The following TECR variants were observed in gnomAD, a reference collection of about 807,000 sequenced individuals.
TECR encodes the protein very-long-chain enoyl-CoA reductase.
Under a neutral mutation model 50.6 loss-of-function variants are expected in TECR, and 19 were observed. That is an observed-to-expected ratio of 0.38 (90% confidence interval 0.26 to 0.55). The LOEUF (loss-of-function observed/expected upper bound fraction) is 0.55, where lower values mean the gene tolerates loss of function less well. Among genes scored for constraint, TECR ranks in the 20% least tolerant of loss-of-function variants. The probability of loss-of-function intolerance (pLI) is 0.79; values close to 1 mark genes in which losing one functional copy is unlikely to be tolerated. For synonymous variants in TECR, 168 were observed against 163.5 expected (o/e 1.03, Z -0.21); for missense variants, 313 against 408.3 (o/e 0.77, Z 2.01).
chr19:14,529,967 C>T lies in TECR; in HGVS notation c.15+256C>T. The stretch of plus-strand genomic sequence containing the variant: ...GGGGGTCTCTGCAGGGGCTGGGACG[C>T]TTGCAGGTTCCTTGCAGCTCCCCCA... On this transcript the variant is annotated intron_variant, in intron 1 of 12. Coordinates refer to ENST00000215567, the MANE Select transcript of TECR (RefSeq NM_138501.6). 4 of 576,008 alleles carry T rather than the reference C, an allele frequency of 6.9e-6. No individual in the cohort carries two copies. The South Asian group carries it at 8.1e-5, about 12-fold the overall frequency. The allele number at this position is 576,008 out of a possible 1,614,324, so 35.7% of individuals were successfully genotyped here.
At chr19:14,529,395 G>T, upstream of TECR, 1 of 563,966 alleles carries the variant, frequency 1.8e-6, no homozygotes, top group Non-Finnish European at 3.2e-6. Context: ...GGATGGTCAA[G>T]CCCCTTCTCT....
chr19:14,537,497 C>G (rs11670622), intron 1 of TECR, among the ~76,000 whole-genome samples: 31,417 of 151,928 alleles, frequency 0.21, 3,564 homozygotes, highest in South Asian at 0.41. Flanking sequence ...TTGGAAAGGC[C>G]TTGCGACTCT....
chr19:14,532,980 C>T (rs2057308162), intron 1 of TECR, among the ~76,000 whole-genome samples: 1 of 151,692 alleles, frequency 6.6e-6, no homozygotes, highest in Non-Finnish European at 1.5e-5. Flanking sequence ...TATGGTGGCA[C>T]GTGCTTGTAG....
chr19:14,552,611 T>C (rs1206805612), intron 1 of TECR, among the ~76,000 whole-genome samples: 2 of 152,058 alleles, frequency 1.3e-5, no homozygotes, highest in East Asian at 1.9e-4. Context: ...TCTGGCTCAC[T>C]GCAAGCTCCG....
At position 14,563,089 on chromosome 19, in the gene TECR, C is replaced by G; in HGVS notation, c.67-117C>G. ...GCAGGCAGAGGCCTGGACCCCAGCCCTTCCCCCTTCCCATAGCTACAGCCC... is the reference window on the plus strand; with the variant it reads ...GCAGGCAGAGGCCTGGACCCCAGCCGTTCCCCCTTCCCATAGCTACAGCCC... On this transcript the variant is annotated intron_variant, in intron 2 of 12. Coordinates refer to ENST00000215567, the MANE Select transcript of TECR (RefSeq NM_138501.6). This position sits in a 1 kb window ranked among gnomAD's most constrained non-coding sequence, Gnocchi z 5.3. 4.6e-5 allele frequency: 58 copies of G among 1,263,408 alleles called. No homozygotes were observed. The highest frequency in any genetic ancestry group is 1.9e-4 in the Middle Eastern group (1 of 5,390). The allele number at this position is 1,263,408 out of a possible 1,614,324, so 78.3% of individuals were successfully genotyped here.
chr19:14,553,698 TGTGATGGGGGCGAG>T (rs541482846), intron 1 of TECR, among the ~76,000 whole-genome samples: 89 of 152,114 alleles, frequency 5.9e-4, no homozygotes, highest in African/African-American at 1.6e-3. Context: ...TCTCTGCATT[TGTGATGGGGGCGAG>T]GTGATGGGGG....
intron 1 of TECR, among the ~76,000 whole-genome samples, chr19:14,539,140 ATTTTTTTT>A (rs57801378): frequency 6.5e-5 from 6 of 92,544 alleles, no homozygotes; most frequent in East Asian, 5.9e-4. Flanking sequence ...CGCCCGGCTA[ATTTTTTTT>A]TTTTTTTTTT....
chr19:14,550,081 T>C (rs1254062497), intron 1 of TECR, among the ~76,000 whole-genome samples: 1 of 152,100 alleles, frequency 6.6e-6, no homozygotes, highest in East Asian at 1.9e-4. Flanking sequence ...TCATTGTCAC[T>C]CTTTCTTTGC....
chr19:14,529,856 C>G, intron 1 of TECR, 145 bp downstream of exon 1: 2 of 1,110,340 alleles, frequency 1.8e-6, no homozygotes, highest in Non-Finnish European at 2.7e-6. Flanking sequence ...CGTTGCGCCC[C>G]GGGCCACTCG....
At chr19:14,552,276 C>G (rs553112719) in intron 1 of TECR, among the ~76,000 whole-genome samples, 2 of 150,312 alleles carry the variant, frequency 1.3e-5, no homozygotes, top group Admixed American at 1.3e-4. Context: ...TCAAGCAATC[C>G]TCCCAGTCTG....
upstream of TECR, among the ~76,000 whole-genome samples, chr19:14,528,029 G>A (rs2146537504): frequency 6.7e-6 from 1 of 149,312 alleles, no homozygotes; most frequent in South Asian, 2.1e-4. Flanking sequence ...GATTACAGGT[G>A]CCCACCATTA....
chr19:14,556,784 C>A (rs2073741366), intron 1 of TECR, among the ~76,000 whole-genome samples: 1 of 152,190 alleles, frequency 6.6e-6, no homozygotes, highest in African/African-American at 2.4e-5. Context: ...CCGGCTGCTG[C>A]GGGTGCCCTT....
rs1393427949 is a variant in TECR at position 14,564,706 on chromosome 19, G to A, written c.490-80G>A. 7.4e-6 allele frequency: 11 copies of A among 1,483,270 alleles called. 1 individual carries two copies. The Admixed American group carries it at 1.5e-4, about 20-fold the overall frequency. The allele number at this position is 1,483,270 out of a possible 1,614,324, so 91.9% of individuals were successfully genotyped here. A position where few individuals can be genotyped will look rare whatever the true frequency, so the allele number is the denominator to read the frequency against. Reference sequence around the variant, plus strand: ...CTGTCCTTTCCCACCATGCTCCCAGGCCCCTCGGGATGAGACATGGGCAGC... The same window carrying A: ...CTGTCCTTTCCCACCATGCTCCCAGACCCCTCGGGATGAGACATGGGCAGC... On this transcript the variant is annotated intron_variant, in intron 7 of 12. Coordinates refer to ENST00000215567, the MANE Select transcript of TECR (RefSeq NM_138501.6).
chr19:14,529,880 G>A, intron 1 of TECR, 169 bp downstream of exon 1: 2 of 897,938 alleles, frequency 2.2e-6, no homozygotes, highest in Non-Finnish European at 3.5e-6. Flanking sequence ...ATTCCAATGC[G>A]CATGTGCGCA....
chr19:14,555,438 CTTTTTTTTTTTT>C (rs747503834), intron 1 of TECR, among the ~76,000 whole-genome samples: 4 of 92,882 alleles, frequency 4.3e-5, no homozygotes, highest in East Asian at 3.2e-4. Flanking sequence ...TTTATTTATT[CTTTTTTTTTTTT>C]TTTTTTTTTT....
At chr19:14,529,557 CGCGCGGCCTGGAGGGGCGG>C, upstream of TECR, 1 of 1,326,814 alleles carries the variant, frequency 7.5e-7, no homozygotes, top group African/African-American at 1.4e-5. Flanking sequence ...CGACGGGGCG[CGCGCGGCCTGGAGGGGCGG>C]GGCGGACGCA....
upstream of TECR, chr19:14,529,433 C>T (rs931520767): frequency 8.1e-6 from 5 of 619,026 alleles, no homozygotes; most frequent in Middle Eastern, 4.2e-4. Context: ...CGTTCCGCCC[C>T]CTTCGATTGG....
intron 1 of TECR, chr19:14,545,030 G>T: frequency 2.2e-6 from 1 of 453,684 alleles, no homozygotes; most frequent in Non-Finnish European, 4.4e-6. Context: ...CCAAGCACCT[G>T]AGTCTCTGCC....
upstream of TECR, chr19:14,527,883 C>T (rs2072463529): frequency 6.6e-6 from 1 of 152,014 alleles, no homozygotes; most frequent in African/African-American, 2.4e-5. Flanking sequence ...TGTCAAAAGT[C>T]TTTTCTTTTT....
Sources: gnomAD v4.1 joint callset for allele counts (sites outside exome capture counted in the v4.1 genomes callset) on GRCh38, gnomAD v4.1.1 for gene constraint, Gnocchi (gnomAD v3.1) non-coding constraint, MANE v1.5 for transcripts, NCBI Gene and HGNC (gene_info 2026-07-23, HGNC 2026-07-21) for gene names.